The following STK35 variants were observed in gnomAD, a reference collection of about 807,000 sequenced individuals.
The protein encoded by STK35 is serine/threonine kinase 35.
A neutral mutation model predicts 37.3 loss-of-function variants in STK35; 17 were observed. The ratio of observed to expected loss-of-function variants is 0.46; its 90% CI spans 0.31 to 0.68. The LOEUF is 0.68. Among genes scored for constraint, STK35 ranks in the 30% least tolerant of loss-of-function variants. The pLI is 0.05. For missense variants in STK35, 595 were observed against 746.7 expected (o/e 0.80, Z 2.37); for synonymous variants, 385 against 319.1 (o/e 1.21, Z -2.20).
chr20:2,131,498 A>C (rs888343706), intron 3 of STK35, among the ~76,000 whole-genome samples: 2 of 152,002 alleles, frequency 1.3e-5, no homozygotes, highest in Non-Finnish European at 2.9e-5. Context: ...TAAAAATGGT[A>C]TACCTATATA....
chr20:2,123,351 C>G (rs2122562688), intron 3 of STK35, among the ~76,000 whole-genome samples: 1 of 152,270 alleles, frequency 6.6e-6, no homozygotes, highest in South Asian at 2.1e-4. Flanking sequence ...ATGCATTTAT[C>G]CCTGGCCTGG....
intron 1 of STK35, 51 bp downstream of exon 1, chr20:2,102,226 G>C (rs1985407002): frequency 1.5e-6 from 2 of 1,368,516 alleles, no homozygotes; most frequent in Non-Finnish European, 1.9e-6. Context: ...TGGAGTTACT[G>C]CCACTGCCTC....
chr20:2,131,998 A>T (rs189089090), intron 3 of STK35, among the ~76,000 whole-genome samples: 1 of 152,202 alleles, frequency 6.6e-6, no homozygotes, highest in African/African-American at 2.4e-5. Flanking sequence ...GCCTAGGCCT[A>T]TGCAGGCTCA....
At position 2,102,195 on chromosome 20, in the gene STK35, A is replaced by G; in HGVS notation, c.294+20A>G. ...GGCCAGGTAAGGGCGCCGTTGGAGG[A>G]CTGAAGGCCAGCGCCGAGGCTGGAG... On this transcript the variant is annotated intron_variant, in intron 1 of 3. Coordinates refer to ENST00000381482, the MANE Select transcript of STK35 (RefSeq NM_080836.4). 1 of 1,368,490 alleles carries G rather than the reference A, an allele frequency of 7.3e-7. No individual in the cohort carries two copies. The highest frequency in any genetic ancestry group is 1.6e-5 in the South Asian group (1 of 61,206). 84.8% of individuals were successfully genotyped at this position (1,368,490 alleles called of 1,614,324 possible).
At chr20:2,134,731 A>G (rs1489940776) in intron 3 of STK35, among the ~76,000 whole-genome samples, 2 of 152,016 alleles carry the variant, frequency 1.3e-5, no homozygotes, top group African/African-American at 4.8e-5. Flanking sequence ...TCTCTACTAA[A>G]AATACAAAAA....
At chr20:2,113,558 G>A (rs1025733812) in intron 2 of STK35, among the ~76,000 whole-genome samples, 3 of 152,176 alleles carry the variant, frequency 2.0e-5, no homozygotes, top group African/African-American at 7.2e-5. Context: ...GGTTTCAGCT[G>A]TTACAGCCTA....
At position 2,116,786 on chromosome 20, in the gene STK35, A is replaced by G. The variant is rs754138400; in HGVS notation, c.1013A>G (p.Lys338Arg). The change falls in exon 3 of 4, where the codon AAA becomes AGA. Residue 338 changes from lysine to arginine, a missense_variant. By Grantham distance (26) the Lys-to-Arg change is conservative (BLOSUM62 2). Around this residue, in one of 3 missense-constraint regions of STK35, gnomAD observed 109 missense variants for 280.3 expected, o/e 0.39. Coordinates refer to ENST00000381482, the MANE Select transcript of STK35 (RefSeq NM_080836.4). ...CGGAGGCCAGACCCAGCCACCAACA[A>G]AAGTTTCATGCTACAGCTGACGAGC... ...LSRRPDPATN[K>R]SFMLQLTSAI... 2 of 1,614,192 alleles carry G rather than the reference A, an allele frequency of 1.2e-6. No homozygotes were observed. Among genetic ancestry groups the G allele is most frequent in the Non-Finnish European group, 1.7e-6 (2 of 1,180,034 alleles).
In STK35 at chr20:2,103,493, C is replaced by T. The variant is rs75929422; in HGVS notation, c.892+128C>T. Reference sequence around the variant, plus strand: ...GTCCCTGTCACCCTGTGCCCTGACACACCCTCCTTTCCTGGGCCCAGGCAT... The same window carrying T: ...GTCCCTGTCACCCTGTGCCCTGACATACCCTCCTTTCCTGGGCCCAGGCAT... On this transcript the variant is annotated intron_variant, in intron 2 of 3. Coordinates refer to ENST00000381482, the MANE Select transcript of STK35 (RefSeq NM_080836.4). The T allele has an allele frequency of 5.2e-4, 442 of 856,822 alleles. 3 individuals carry two copies. The African/African-American group carries it at 5.4e-3, about 10-fold the overall frequency. 53.1% of individuals were successfully genotyped at this position (856,822 alleles called of 1,614,324 possible). A position where few individuals can be genotyped will look rare whatever the true frequency, so the allele number is the denominator to read the frequency against.
chr20:2,111,915 T>C (rs570733738), intron 2 of STK35, among the ~76,000 whole-genome samples: 25 of 152,294 alleles, frequency 1.6e-4, no homozygotes, highest in African/African-American at 5.5e-4. Flanking sequence ...CTCGCAGTTA[T>C]TCTCAGCCTG....
intron 2 of STK35, among the ~76,000 whole-genome samples, chr20:2,112,442 CTG>C (rs1233188686): frequency 1.3e-5 from 2 of 152,206 alleles, no homozygotes; most frequent in Non-Finnish European, 2.9e-5. Context: ...GGTCACCTGA[CTG>C]TCAGACTTGA....
rs189988989 is a variant in STK35, at chr20:2,140,399, C to T, written c.*38-3385C>T. Among the ~76,000 whole-genome samples the T allele has an allele frequency of 7.4e-4, 113 of 152,334 alleles. No homozygotes were observed. The Middle Eastern group carries it at 0.01, about 14-fold the overall frequency. On this transcript the variant is annotated intron_variant, in intron 3 of 3. Coordinates refer to ENST00000381482, the MANE Select transcript of STK35 (RefSeq NM_080836.4). Reference sequence around the variant, plus strand: ...CCCAAGGGCCCACTGGGGCTGAGACCTACACCCTTTATTGTGCCCACAAGT... The same window carrying T: ...CCCAAGGGCCCACTGGGGCTGAGACTTACACCCTTTATTGTGCCCACAAGT...
intron 3 of STK35, among the ~76,000 whole-genome samples, chr20:2,123,676 G>A (rs118102794): frequency 0.02 from 2,988 of 152,302 alleles, 53 homozygotes; most frequent in Non-Finnish European, 0.033. Flanking sequence ...TAATTAACAT[G>A]GTTTGTTTGA....
intron 1 of STK35, 31 bp downstream of exon 1, chr20:2,102,206 G>T (rs1985406216): frequency 7.3e-7 from 1 of 1,366,378 alleles, no homozygotes; most frequent in East Asian, 3.0e-5. Context: ...CTGAAGGCCA[G>T]CGCCGAGGCT....
intron 2 of STK35, among the ~76,000 whole-genome samples, chr20:2,106,805 C>T (rs993944779): frequency 6.6e-6 from 1 of 152,166 alleles, no homozygotes; most frequent in South Asian, 2.1e-4. Context: ...AGACCAAACA[C>T]GTCCTACCCA....
chr20:2,139,679 G>A (rs1373297366), intron 3 of STK35, among the ~76,000 whole-genome samples: 3 of 152,204 alleles, frequency 2.0e-5, no homozygotes, highest in African/African-American at 7.2e-5. Context: ...TGAGGCAATG[G>A]ATGTAAAACA....
intron 2 of STK35, among the ~76,000 whole-genome samples, chr20:2,105,253 C>G (rs1985492563): frequency 6.6e-6 from 1 of 152,036 alleles, no homozygotes; most frequent in South Asian, 2.1e-4. Flanking sequence ...TCTCAGACTT[C>G]TCTTAGTCTT....
intron 3 of STK35, among the ~76,000 whole-genome samples, chr20:2,125,497 G>A (rs763271921): frequency 6.6e-5 from 10 of 152,324 alleles, no homozygotes; most frequent in Middle Eastern, 3.4e-3. Flanking sequence ...CTACTGCTCC[G>A]TTCTGCATTC....
At chr20:2,119,785 G>A (rs369921742) in intron 3 of STK35, among the ~76,000 whole-genome samples, 5 of 152,196 alleles carry the variant, frequency 3.3e-5, no homozygotes, top group African/African-American at 4.8e-5. Flanking sequence ...CATAAGGCAC[G>A]GAGCTTTCCA....
chr20:2,141,654 C>T (rs983247334), intron 3 of STK35, among the ~76,000 whole-genome samples: 1 of 152,184 alleles, frequency 6.6e-6, no homozygotes, highest in Admixed American at 6.5e-5. Context: ...AAAATCCAGT[C>T]ACAACAAGCA....
Sources: gnomAD v4.1 joint callset for allele counts (sites outside exome capture counted in the v4.1 genomes callset) on GRCh38, gnomAD v4.1.1 for gene constraint, gnomAD v4.1.1 regional missense constraint, MANE v1.5 for transcripts, NCBI Gene and HGNC (gene_info 2026-07-23, HGNC 2026-07-21) for gene names.